Variants in RAI1 observed in about 807,000 individuals in gnomAD.
RAI1 encodes the protein retinoic acid induced 1, also known as retinoic acid-induced protein 1.
RAI1 carries 9 observed loss-of-function variants against 123.8 expected under a neutral mutation model. The ratio of observed to expected loss-of-function variants is 0.07; its 90% CI spans 0.04 to 0.13. The LOEUF is 0.13. Ranked by LOEUF, RAI1 falls within the 10% of genes least tolerant of loss-of-function variation. RAI1 has a pLI of 1.00. For synonymous variants in RAI1, 1,231 were observed against 1,127.3 expected (o/e 1.09, Z -1.84); for missense variants, 2,256 against 2,545.8 (o/e 0.89, Z 2.45).
At chr17:17,706,143 C>T (rs138579549) in intron 1 of RAI1, among the ~76,000 whole-genome samples, 4 of 151,884 alleles carry the variant, frequency 2.6e-5, no homozygotes, top group East Asian at 1.9e-4. Context: ...TGCAGAGCCA[C>T]GGTGCTTGCC....
chr17:17,792,755 C>T (rs956079911), intron 2 of RAI1, among the ~76,000 whole-genome samples, 178 bp from the exon 3 acceptor site: 2 of 122,804 alleles, frequency 1.6e-5, no homozygotes, highest in African/African-American at 3.2e-5. Flanking sequence ...GAGGCTCAGG[C>T]GAAGGGGGGA....
intron 2 of RAI1, among the ~76,000 whole-genome samples, chr17:17,784,119 T>A (rs1361362201): frequency 2.0e-5 from 3 of 152,162 alleles, no homozygotes; most frequent in Non-Finnish European, 4.4e-5. Context: ...GTCTCACAAT[T>A]AGGCAGCAAG....
chr17:17,801,999 G>A lies in RAI1; in HGVS notation c.5566-1757G>A, dbSNP rs996328329. Reference sequence around the variant, plus strand: ...GCTTCGCACTTGGGCAGAGGCCGCCGCCCTCTCTGCTGCCTTCTCTACCTC... The same window carrying A: ...GCTTCGCACTTGGGCAGAGGCCGCCACCCTCTCTGCTGCCTTCTCTACCTC... On this transcript the variant is annotated intron_variant, in intron 3 of 5. Transcript: ENST00000353383. The surrounding 1 kb of genome is among the most constrained non-coding windows in gnomAD (Gnocchi z 4.1). The A allele has an allele frequency of 4.3e-6, 2 of 463,286 alleles. No homozygotes were observed. Among genetic ancestry groups the A allele is most frequent in the South Asian group, 1.6e-5 (1 of 64,064 alleles). The allele number at this position is 463,286 out of a possible 1,614,324, so 28.7% of individuals were successfully genotyped here.
chr17:17,751,156 G>A (rs1362201426), intron 2 of RAI1, among the ~76,000 whole-genome samples: 2 of 152,212 alleles, frequency 1.3e-5, no homozygotes, highest in Non-Finnish European at 2.9e-5. Context: ...GGGGTGTGTG[G>A]CCAGTGCTAG....
rs144205580 is a variant in RAI1, at chr17:17,773,180, G to A, written c.-16-19753G>A. Among the ~76,000 whole-genome samples, 1,143 of 152,270 alleles carry A rather than the reference G, an allele frequency of 7.5e-3. 6 individuals carry two copies. The highest frequency in any genetic ancestry group is 0.011 in the Non-Finnish European group (767 of 68,022). The stretch of plus-strand genomic sequence containing the variant: ...AGGTGGTCTATGAGGTGAGTCCAGA[G>A]GCATTAGAAAATGGAGTTCTAAGCC... On this transcript the variant is annotated intron_variant, in intron 2 of 5. Transcript: ENST00000353383.
intron 1 of RAI1, among the ~76,000 whole-genome samples, chr17:17,715,376 A>C (rs577047996): frequency 6.6e-6 from 1 of 152,304 alleles, no homozygotes; most frequent in South Asian, 2.1e-4. Flanking sequence ...GCAGAGCCTC[A>C]GTGTCTGCAT....
At chr17:17,708,036 A>G (rs981567785) in intron 1 of RAI1, among the ~76,000 whole-genome samples, 16 of 152,160 alleles carry the variant, frequency 1.1e-4, no homozygotes, top group African/African-American at 3.6e-4. Flanking sequence ...GCTCTGGCAG[A>G]CCTCAGAAGC....
chr17:17,805,675 T>C (rs1321730054), intron 4 of RAI1, among the ~76,000 whole-genome samples: 2 of 152,136 alleles, frequency 1.3e-5, no homozygotes, highest in African/African-American at 4.8e-5. Context: ...GACAGTTGCT[T>C]GGCAGGGGCT....
chr17:17,783,666 G>A (rs971282804), intron 2 of RAI1, among the ~76,000 whole-genome samples: 3 of 152,138 alleles, frequency 2.0e-5, no homozygotes, highest in African/African-American at 7.2e-5. Flanking sequence ...GCCCGCACTC[G>A]CTGCCGCAGT....
At position 17,793,047 on chromosome 17, in the gene RAI1, G is replaced by A. The variant is rs763536783; in HGVS notation, c.99G>A (p.Pro33=). The change falls in exon 3 of 6, where the codon CCG becomes CCA. Residue 33 remains proline, a synonymous_variant. Coordinates refer to ENST00000353383, the MANE Select transcript of RAI1 (RefSeq NM_030665.4). ...CACGCCTAGAGAATTACAGGCAGCC[G>A]AGTCAGGCCGGGCTAAGCTGCGACC... The part of the protein sequence containing the change: ...ETSRLENYRQ[P]SQAGLSCDRQ... The A allele has an allele frequency of 3.4e-5, 55 of 1,614,162 alleles. No individual in the cohort carries two copies. The highest frequency in any genetic ancestry group is 4.3e-5 in the Non-Finnish European group (51 of 1,180,038).
chr17:17,746,877 C>T (rs192836206), intron 2 of RAI1, among the ~76,000 whole-genome samples: 7 of 152,132 alleles, frequency 4.6e-5, no homozygotes, highest in South Asian at 2.1e-4. Context: ...TTGGGTGATC[C>T]GCCTGCCTCG....
chr17:17,789,061 A>C (rs920450160), intron 2 of RAI1, among the ~76,000 whole-genome samples: 3 of 152,228 alleles, frequency 2.0e-5, no homozygotes, highest in Non-Finnish European at 4.4e-5. Flanking sequence ...CCTGAGGCTC[A>C]GGCTGTCACA....
At chr17:17,727,879 G>T (rs1916145041) in intron 2 of RAI1, among the ~76,000 whole-genome samples, 5 of 152,044 alleles carry the variant, frequency 3.3e-5, no homozygotes, top group Admixed American at 6.6e-5. Flanking sequence ...AGAGAGAGAG[G>T]GAAGAAAGAG....
chr17:17,806,153 A>G (rs749179110), intron 4 of RAI1, among the ~76,000 whole-genome samples: 2 of 152,228 alleles, frequency 1.3e-5, no homozygotes, highest in Non-Finnish European at 2.9e-5. Context: ...ACTGTGGAAG[A>G]GGTTCATCCT....
intron 3 of RAI1, among the ~76,000 whole-genome samples, chr17:17,803,461 A>G (rs1319810530): frequency 6.6e-6 from 1 of 152,084 alleles, no homozygotes; most frequent in Non-Finnish European, 1.5e-5. Flanking sequence ...CAGTGGCGTC[A>G]TCTCGGCTCA....
At position 17,796,989 on chromosome 17, in the gene RAI1, A is replaced by G; in HGVS notation, c.4041A>G (p.Lys1347=). The change falls in exon 3 of 6, where the codon AAA becomes AAG. Residue 1347 remains lysine (K), a synonymous_variant. Coordinates refer to ENST00000353383, the MANE Select transcript of RAI1 (RefSeq NM_030665.4). This position sits in a 1 kb window ranked among gnomAD's most constrained non-coding sequence, Gnocchi z 5.8. ...CCAGCCTCAAGAAGTTCGCATGTAA[A>G]GCGCCAGGGGCCTCTCCTGGTAATC... ...TSPSLKKFAC[K]APGASPGNPL... is the part of the protein sequence containing the mutation. 6.2e-7 allele frequency: 1 copy of G among 1,613,828 alleles called. No individual in the cohort carries two copies. The highest frequency in any genetic ancestry group is 8.5e-7 in the Non-Finnish European group (1 of 1,180,028).
chr17:17,756,217 G>A (rs2030432440), intron 2 of RAI1, among the ~76,000 whole-genome samples: 1 of 150,358 alleles, frequency 6.7e-6, no homozygotes, highest in South Asian at 2.1e-4. Context: ...TTTTTTTGGA[G>A]ACAGAGTTTT....
Position 17,809,357 on chromosome 17 carries a change from G to A in RAI1, c.5660-33G>A, listed in dbSNP as rs766134582. On this transcript the variant is annotated intron_variant, in intron 4 of 5. Transcript: ENST00000353383. The surrounding 1 kb of genome is among the most constrained non-coding windows in gnomAD (Gnocchi z 4.9). ...CCCACAGCTGTGGGGCCCCCACCCTGTCCTAACCACCGAAACTTCTCTTTG... is the reference window on the plus strand; with the variant it reads ...CCCACAGCTGTGGGGCCCCCACCCTATCCTAACCACCGAAACTTCTCTTTG... 7 of 1,583,496 alleles carry A rather than the reference G, an allele frequency of 4.4e-6. No homozygotes were observed. In the Admixed American group the frequency reaches 1.0e-4, roughly 23 times the overall value.
At chr17:17,720,038 C>T (rs952989132) in intron 1 of RAI1, among the ~76,000 whole-genome samples, 2 of 152,150 alleles carry the variant, frequency 1.3e-5, no homozygotes, top group African/African-American at 2.4e-5. Context: ...TGGGCCTCCC[C>T]GTCCCTTGTT....
Sources: allele counts gnomAD v4.1 joint callset (sites outside exome capture counted in the v4.1 genomes callset), GRCh38; gene constraint gnomAD v4.1.1; non-coding constraint Gnocchi (gnomAD v3.1); transcripts MANE v1.5; gene names NCBI Gene and HGNC (gene_info 2026-07-23, HGNC 2026-07-21).